ATG7: variants seen among roughly 807,000 people sequenced by gnomAD.
ATG7 encodes autophagy related 7.
ATG7 carries 70 observed loss-of-function variants against 82.4 expected under a neutral mutation model. The observed-to-expected ratio is 0.85, with a 90% confidence interval of 0.70 to 1.04. The LOEUF is 1.04. ATG7 is among the 50% of genes least tolerant of loss of function. ATG7 has a pLI of 0.00. For missense variants in ATG7, 792 were observed against 864.3 expected, an observed-to-expected ratio of 0.92 and a Z score of 1.05; for synonymous variants, 287 against 313.0, an observed-to-expected ratio of 0.92 and a Z score of 0.88.
rs1056446175 is a variant in ATG7, at chr3:11,281,709, G to T, written c.-256-484G>T. On this transcript the variant is annotated intron_variant, in intron 2 of 20. Transcript: ENST00000693202. ...GAATTGCTTGAACGTGGGAGGCAGA[G>T]GTTGCAGTGAGCCGAGATCGTGCCA... is the stretch of plus-strand genomic sequence containing the variant. Among the ~76,000 whole-genome samples, 2 of 151,496 alleles carry T rather than the reference G, an allele frequency of 1.3e-5. 1 individual carries two copies. The highest frequency in any genetic ancestry group is 3.9e-4 in the East Asian group (2 of 5,168).
chr3:11,491,616 G>A (rs1489115315), intron 20 of ATG7, among the ~76,000 whole-genome samples: 1 of 152,038 alleles, frequency 6.6e-6, no homozygotes, highest in Non-Finnish European at 1.5e-5. Context: ...TCTACTTTTG[G>A]TCTTTGATGT....
intron 9 of ATG7, among the ~76,000 whole-genome samples, chr3:11,320,290 CT>C (rs113585998): frequency 0.027 from 3,952 of 145,962 alleles, 156 homozygotes; most frequent in African/African-American, 0.085. Flanking sequence ...ATCCCTTCTT[CT>C]TTTTTTTTTT....
intron 18 of ATG7, among the ~76,000 whole-genome samples, chr3:11,375,137 G>A (rs1239616400): frequency 6.6e-6 from 1 of 150,722 alleles, no homozygotes; most frequent in African/African-American, 2.5e-5. Context: ...GAGCCCGGGA[G>A]TTCAAGGCTA....
intron 20 of ATG7, among the ~76,000 whole-genome samples, chr3:11,524,342 T>G (rs2092519433): frequency 6.6e-6 from 1 of 152,266 alleles, no homozygotes; most frequent in Non-Finnish European, 1.5e-5. Flanking sequence ...AATGGGATTT[T>G]GGGGTTTCCC....
intron 3 of ATG7, among the ~76,000 whole-genome samples, chr3:11,297,458 T>C (rs559402743): frequency 1.1e-3 from 169 of 152,310 alleles, no homozygotes; most frequent in African/African-American, 3.7e-3. Context: ...AGGGACCTTA[T>C]CAATTTGCTT....
Position 11,380,031 on chromosome 3 carries a change from A to G in ATG7, c.1935A>G (p.Lys645=). ...NVLPVSLAFD[K]CTACSSKVLD... Reference sequence around the variant, plus strand: ...TTCCCGTCAGCCTGGCATTTGACAAATGTACAGCTTGTTCTTCCAAAGTAA... The same window carrying G: ...TTCCCGTCAGCCTGGCATTTGACAAGTGTACAGCTTGTTCTTCCAAAGTAA... Residue 645 remains lysine, a synonymous_variant, in exon 19 of 21, where the codon AAA becomes AAG. Coordinates refer to ENST00000693202, the MANE Select transcript of ATG7 (RefSeq NM_001349232.2). 26 of 1,614,060 alleles carry G rather than the reference A, an allele frequency of 1.6e-5. No individual in the cohort carries two copies. Among genetic ancestry groups the G allele is most frequent in the Non-Finnish European group, 2.2e-5 (26 of 1,179,912 alleles).
the ATG7 span, among the ~76,000 whole-genome samples, chr3:11,570,862 C>G: frequency 6.6e-5 from 10 of 152,212 alleles, no homozygotes; most frequent in Non-Finnish European, 8.8e-5. Context: ...GGAGTGAACT[C>G]ATCACCGTGG....
intron 20 of ATG7, among the ~76,000 whole-genome samples, chr3:11,501,364 A>G (rs968110790): frequency 1.3e-5 from 2 of 152,248 alleles, no homozygotes; most frequent in African/African-American, 2.4e-5. Context: ...TAATATATAG[A>G]AAGCAGTTAG....
chr3:11,478,011 A>G (rs1355388939), intron 20 of ATG7, among the ~76,000 whole-genome samples: 1 of 152,130 alleles, frequency 6.6e-6, no homozygotes, highest in African/African-American at 2.4e-5. Flanking sequence ...TACTTGGCTC[A>G]TATACCCATC....
chr3:11,400,951 C>T (rs541022917), intron 19 of ATG7, among the ~76,000 whole-genome samples: 8 of 152,092 alleles, frequency 5.3e-5, no homozygotes, highest in South Asian at 2.1e-4. Context: ...AGTGATATCA[C>T]GCAAAGCAAT....
chr3:11,367,287 T>A (rs1240734867), intron 18 of ATG7, among the ~76,000 whole-genome samples: 1 of 152,166 alleles, frequency 6.6e-6, no homozygotes, highest in Non-Finnish European at 1.5e-5. Context: ...TCCTGGCTCC[T>A]AGAGACAAAT....
At chr3:11,285,271 C>T (rs1466228592) in intron 3 of ATG7, among the ~76,000 whole-genome samples, 3 of 150,854 alleles carry the variant, frequency 2.0e-5, no homozygotes, top group Non-Finnish European at 2.9e-5. Flanking sequence ...ACTCGACCTC[C>T]TGGGTTCAAG....
At position 11,314,393 on chromosome 3, in the gene ATG7, G is replaced by A. The variant is rs184410773; in HGVS notation, c.529-951G>A. On this transcript the variant is annotated intron_variant, in intron 8 of 20. Transcript: ENST00000693202. ...CTCTCTTGGAGCTGTTCAGGGAGCA[G>A]CCATTATTGATTAAATTTTTTTTGT... 3.3e-4 allele frequency among the ~76,000 whole-genome samples: 42 copies of A among 127,246 alleles called. 1 individual carries two copies. The highest frequency in any genetic ancestry group is 1.2e-3 in the African/African-American group (39 of 32,432). 83.5% of individuals were successfully genotyped at this position (127,246 alleles called of 152,430 possible). A position where few individuals can be genotyped will look rare whatever the true frequency, so the allele number is the denominator to read the frequency against.
rs771137180 is a variant in ATG7, at chr3:11,285,101, C to T, written c.-11+2663C>T. On this transcript the variant is annotated intron_variant, in intron 3 of 20. Transcript: ENST00000693202. ...TCCTGACCTCATGATTTGCCCACCTCGGCCTCCCAGAGTGCTAGGATTACA... is the reference window on the plus strand; with the variant it reads ...TCCTGACCTCATGATTTGCCCACCTTGGCCTCCCAGAGTGCTAGGATTACA... 7.7e-4 allele frequency among the ~76,000 whole-genome samples: 111 copies of T among 143,488 alleles called. 1 individual carries two copies. The highest frequency in any genetic ancestry group is 1.2e-3 in the Non-Finnish European group (82 of 66,544). The allele number at this position is 143,488 out of a possible 152,430, so 94.1% of individuals were successfully genotyped here.
At chr3:11,568,907 C>T in the ATG7 span, 7 of 1,287,078 alleles carry the variant, frequency 5.4e-6, no homozygotes, top group South Asian at 1.8e-5. This position sits in a 1 kb window ranked among gnomAD's most constrained non-coding sequence, Gnocchi z 5.9. Context: ...GGCCTCATCC[C>T]CATCCTAGGC....
chr3:11,500,072 G>C (rs1559756857), intron 20 of ATG7, among the ~76,000 whole-genome samples: 1 of 152,190 alleles, frequency 6.6e-6, no homozygotes, highest in Non-Finnish European at 1.5e-5. Flanking sequence ...ATGCTGTAAA[G>C]GATATATCTG....
chr3:11,498,233 A>G lies in ATG7; in HGVS notation c.2080-56578A>G, dbSNP rs2091013768. Among the ~76,000 whole-genome samples, 9 of 152,202 alleles carry G rather than the reference A, an allele frequency of 5.9e-5. 1 individual carries two copies. In the South Asian group the frequency reaches 1.9e-3, roughly 31 times the overall value. On this transcript the variant is annotated intron_variant, in intron 20 of 20. Coordinates refer to ENST00000693202, the MANE Select transcript of ATG7 (RefSeq NM_001349232.2). ...CTGTAGTCTCCAAACAGAATTTCCA[A>G]AAATTTGATTCCAGTGTGCCCCTAT...
intron 20 of ATG7, among the ~76,000 whole-genome samples, chr3:11,431,268 G>A (rs1010685205): frequency 2.0e-5 from 3 of 152,184 alleles, no homozygotes; most frequent in South Asian, 4.1e-4. Flanking sequence ...GGGTGTGGTG[G>A]CATGTGCCTG....
At chr3:11,310,706 C>T (rs1948521073) in intron 7 of ATG7, among the ~76,000 whole-genome samples, 1 of 151,276 alleles carries the variant, frequency 6.6e-6, no homozygotes, top group South Asian at 2.1e-4. Context: ...GATGTCGGCT[C>T]ACTGCAAGCT....
Sources: gnomAD v4.1 joint callset for allele counts (sites outside exome capture counted in the v4.1 genomes callset) on GRCh38, gnomAD v4.1.1 for gene constraint, Gnocchi (gnomAD v3.1) non-coding constraint, MANE v1.5 for transcripts, NCBI Gene and HGNC (gene_info 2026-07-23, HGNC 2026-07-21) for gene names.